Variants in BTD observed in about 807,000 individuals in gnomAD.
The protein encoded by BTD is biocytinase.
A neutral mutation model predicts 17.7 loss-of-function variants in BTD; 13 were observed. The observed-to-expected ratio is 0.74, with a 90% confidence interval of 0.48 to 1.17. The LOEUF (loss-of-function observed/expected upper bound fraction) is 1.17. Among genes scored for constraint, BTD ranks in the 50% most tolerant of loss-of-function variants. BTD has a pLI of 0.00. For missense variants in BTD, 674 were observed against 650.4 expected (o/e 1.04, Z -0.39); for synonymous variants, 240 against 245.2 (o/e 0.98, Z 0.20).
intron 3 of BTD, among the ~76,000 whole-genome samples, chr3:15,689,507 G>A (rs533366399): frequency 4.6e-5 from 7 of 152,220 alleles, no homozygotes; most frequent in Non-Finnish European, 5.9e-5. Context: ...AGAGGCCACA[G>A]GAGGAAGGGA....
chr3:15,688,494 G>C (rs2068410882), intron 3 of BTD, among the ~76,000 whole-genome samples: 1 of 152,106 alleles, frequency 6.6e-6, no homozygotes, highest in Non-Finnish European at 1.5e-5. Flanking sequence ...TTAACCTCTT[G>C]TTCAAACCAT....
At chr3:15,621,663 G>A (rs1168452874) in intron 1 of BTD, among the ~76,000 whole-genome samples, 2 of 151,722 alleles carry the variant, frequency 1.3e-5, no homozygotes, top group Admixed American at 6.6e-5. Flanking sequence ...GCAATGGTGC[G>A]ATCTTGGCTC....
chr3:15,621,917 A>C (rs2064960240), intron 1 of BTD, among the ~76,000 whole-genome samples: 1 of 152,178 alleles, frequency 6.6e-6, no homozygotes, highest in African/African-American at 2.4e-5. Context: ...TCTTAAATTG[A>C]CATCTAGGTT....
chr3:15,682,583 A>G (rs2067659840), intron 3 of BTD, among the ~76,000 whole-genome samples: 1 of 152,232 alleles, frequency 6.6e-6, no homozygotes, highest in Non-Finnish European at 1.5e-5. Flanking sequence ...TGATTGAATG[A>G]CTATATAAAC....
chr3:15,713,255 G>A (rs145768824), downstream of BTD, among the ~76,000 whole-genome samples: 2 of 152,156 alleles, frequency 1.3e-5, no homozygotes, highest in African/African-American at 2.4e-5. Flanking sequence ...AAAATAAAGA[G>A]ATCACAAAAA....
chr3:15,629,936 A>G (rs577204364), intron 1 of BTD: 1 of 497,882 alleles, frequency 2.0e-6, no homozygotes, highest in Non-Finnish European at 2.6e-6. Context: ...ATAATAATGG[A>G]TATTCAAACG....
chr3:15,643,969 A>T (rs1031143784), intron 3 of BTD, among the ~76,000 whole-genome samples: 1 of 138,014 alleles, frequency 7.2e-6, no homozygotes, highest in Non-Finnish European at 1.5e-5. Context: ...TCATTTATTT[A>T]ATTTATTTAT....
intron 3 of BTD, among the ~76,000 whole-genome samples, chr3:15,693,072 T>C (rs1179036949): frequency 6.6e-6 from 1 of 152,016 alleles, no homozygotes; most frequent in Non-Finnish European, 1.5e-5. Flanking sequence ...GAACAGAAGG[T>C]AGGCTAGTAT....
rs544441246 is a variant in BTD at position 15,619,843 on chromosome 3, A to G, written c.-16-15581A>G. 3.0e-3 allele frequency among the ~76,000 whole-genome samples: 452 copies of G among 152,354 alleles called. 3 individuals carry two copies. The highest frequency in any genetic ancestry group is 4.8e-3 in the Non-Finnish European group (329 of 68,034). ...TTACAGCTGGGCCGCCAGGGGTGAC[A>G]TCACATATCAGCAGGACCATGATGC... On this transcript the variant is annotated intron_variant, in intron 1 of 3. Coordinates refer to ENST00000643237, the MANE Select transcript of BTD (RefSeq NM_001370658.1).
In BTD at chr3:15,652,803, A is replaced by G. The variant is rs1166558955; in HGVS notation, c.*7315A>G. Among the ~76,000 whole-genome samples the G allele has an allele frequency of 1.3e-5, 2 of 152,168 alleles. No individual in the cohort carries two copies. Among genetic ancestry groups the G allele is most frequent in the African/African-American group, 2.4e-5 (1 of 41,446 alleles). ...TATACAGGTATCTCTCCCACTATATATATATCAAGTGCTATTAGTGGCTAT... is the reference window on the plus strand; with the variant it reads ...TATACAGGTATCTCTCCCACTATATGTATATCAAGTGCTATTAGTGGCTAT... On this transcript the variant is annotated 3_prime_UTR_variant, in exon 4 of 4. Transcript: ENST00000643237.
At chr3:15,640,290 A>G (rs1466433036) in intron 2 of BTD, among the ~76,000 whole-genome samples, 2 of 152,212 alleles carry the variant, frequency 1.3e-5, no homozygotes, top group African/African-American at 4.8e-5. Context: ...TTTTATTACA[A>G]AAAGTTGGGA....
intron 3 of BTD, among the ~76,000 whole-genome samples, chr3:15,661,983 G>C (rs770241102): frequency 6.6e-6 from 1 of 152,166 alleles, no homozygotes; most frequent in African/African-American, 2.4e-5. Context: ...CCACTGATCT[G>C]TCCATTCTTT....
intron 3 of BTD, among the ~76,000 whole-genome samples, chr3:15,673,996 TGA>T (rs1441317426): frequency 6.6e-6 from 1 of 151,154 alleles, no homozygotes; most frequent in Non-Finnish European, 1.5e-5. Flanking sequence ...GACAATATAG[TGA>T]GAGTCTGTCA....
intron 3 of BTD, among the ~76,000 whole-genome samples, chr3:15,705,658 A>C (rs2071252303): frequency 6.6e-6 from 1 of 152,204 alleles, no homozygotes; most frequent in African/African-American, 2.4e-5. Context: ...CTATCTAAAA[A>C]CATACTTTAT....
intron 3 of BTD, chr3:15,696,105 G>A (rs2069511904): frequency 7.1e-7 from 1 of 1,400,258 alleles, no homozygotes; most frequent in East Asian, 2.4e-5. Context: ...ACTCCCATTA[G>A]GTCTTTCACA....
chr3:15,621,180 T>C (rs1308882468), intron 1 of BTD, among the ~76,000 whole-genome samples: 1 of 152,222 alleles, frequency 6.6e-6, no homozygotes, highest in Non-Finnish European at 1.5e-5. Flanking sequence ...GCACTTAGAC[T>C]CACACACTCA....
chr3:15,699,494 C>G (rs1415435450), intron 3 of BTD, among the ~76,000 whole-genome samples: 1 of 152,118 alleles, frequency 6.6e-6, no homozygotes, highest in Non-Finnish European at 1.5e-5. Context: ...ATCTACCCAT[C>G]TGACAAAGGG....
rs145741302 is a variant in BTD at position 15,701,528 on chromosome 3, C to T, written c.400-8532C>T. Reference sequence around the variant, plus strand: ...GCATGGTGGCACACACCTGTAATCCCAGCTCCTCGGGAGGCTGAGGCAGGA... The same window carrying T: ...GCATGGTGGCACACACCTGTAATCCTAGCTCCTCGGGAGGCTGAGGCAGGA... On this transcript the variant is annotated intron_variant, in intron 3 of 3. Coordinates refer to the BTD transcript ENST00000672141. Among the ~76,000 whole-genome samples, 617 of 152,220 alleles carry T rather than the reference C, an allele frequency of 4.1e-3. 1 individual carries two copies. Among genetic ancestry groups the T allele is most frequent in the East Asian group, 0.023 (117 of 5,182 alleles).
chr3:15,670,343 T>C (rs770795796), intron 3 of BTD: 5 of 1,614,022 alleles, frequency 3.1e-6, no homozygotes, highest in Non-Finnish European at 1.7e-6. Context: ...CCCTCCAATG[T>C]TATTGAAACT....
Sources: allele counts gnomAD v4.1 joint callset (sites outside exome capture counted in the v4.1 genomes callset), GRCh38; gene constraint gnomAD v4.1.1; transcripts MANE v1.5; gene names NCBI Gene and HGNC (gene_info 2026-07-23, HGNC 2026-07-21).